Variants in SERGEF observed in about 807,000 individuals in gnomAD.
SERGEF encodes secretion-regulating guanine nucleotide exchange factor.
A neutral mutation model predicts 50.0 loss-of-function variants in SERGEF; 51 were observed. The ratio of observed to expected loss-of-function variants is 1.02; its 90% CI spans 0.81 to 1.29. The LOEUF is 1.29. SERGEF is among the 50% of genes most tolerant of loss of function. SERGEF has a pLI of 0.00. For synonymous variants in SERGEF, 205 were observed against 212.4 expected (o/e 0.97, Z 0.30); for missense variants, 521 against 557.0 (o/e 0.94, Z 0.65).
intron 1 of SERGEF, among the ~76,000 whole-genome samples, chr11:18,010,611 C>A (rs1450675289): frequency 3.3e-5 from 5 of 152,160 alleles, no homozygotes; most frequent in Admixed American, 6.5e-5. Context: ...AAAAGAGCAT[C>A]CCCATATCAC....
chr11:17,995,707 T>C, intron 6 of SERGEF, 89 bp downstream of exon 6: 1 of 920,418 alleles, frequency 1.1e-6, no homozygotes, highest in Middle Eastern at 2.1e-4. Context: ...AATAGCAAAA[T>C]CAAAAATCCA....
At chr11:17,825,194 A>G (rs994719932) in intron 10 of SERGEF, among the ~76,000 whole-genome samples, 1 of 152,232 alleles carries the variant, frequency 6.6e-6, no homozygotes, top group African/African-American at 2.4e-5. Context: ...AAAGTAAATG[A>G]AAATGGTCCT....
intron 10 of SERGEF, among the ~76,000 whole-genome samples, chr11:17,871,460 CAAA>C (rs59785475): frequency 0.41 from 37,536 of 92,266 alleles, 5,112 homozygotes; most frequent in East Asian, 0.66. Context: ...GACTCCATCT[CAAA>C]AAAAAAAAAA....
At chr11:17,985,807 C>T (rs1476025179) in intron 8 of SERGEF, among the ~76,000 whole-genome samples, 1 of 152,198 alleles carries the variant, frequency 6.6e-6, no homozygotes, top group African/African-American at 2.4e-5. Context: ...ACCATGTGAA[C>T]TGCCTTAGCT....
Position 17,878,248 on chromosome 11 carries a change from T to TA in SERGEF, c.1012-5dup, listed in dbSNP as rs35473390. ...TATGCTCTGAGCCACAAGAGACCTG[T>TA]AAAAAAAAAAAAAGACAAAGAAAAT... is the stretch of plus-strand genomic sequence containing the variant. On this transcript the variant is annotated splice_polypyrimidine_tract_variant and splice_region_variant and intron_variant, in intron 9 of 10. Coordinates refer to ENST00000265965, the MANE Select transcript of SERGEF (RefSeq NM_012139.4). 0.052 allele frequency: 65,611 copies of TA among 1,259,770 alleles called. 9 individuals carry two copies. Among genetic ancestry groups the TA allele is most frequent in the Non-Finnish European group, 0.057 (52,039 of 913,768 alleles). 78.0% of individuals were successfully genotyped at this position (1,259,770 alleles called of 1,614,324 possible). A position where few individuals can be genotyped will look rare whatever the true frequency, so the allele number is the denominator to read the frequency against.
chr11:17,945,896 T>G (rs562495596), intron 9 of SERGEF, among the ~76,000 whole-genome samples: 23 of 152,262 alleles, frequency 1.5e-4, no homozygotes, highest in African/African-American at 3.6e-4. Context: ...GAGAATTGCT[T>G]GAACCCAGGA....
At chr11:17,939,594 T>G (rs1424601413) in intron 9 of SERGEF, 1 of 152,230 alleles carries the variant, frequency 6.6e-6, no homozygotes, top group African/African-American at 2.4e-5. Flanking sequence ...CCTCACTGCA[T>G]GAATACAGTA....
At chr11:17,838,542 C>T (rs1850447238) in intron 10 of SERGEF, among the ~76,000 whole-genome samples, 1 of 152,156 alleles carries the variant, frequency 6.6e-6, no homozygotes, top group South Asian at 2.1e-4. Flanking sequence ...GGGCAGTTTA[C>T]ACACATTATC....
At chr11:17,895,661 A>C (rs2133914665) in intron 9 of SERGEF, among the ~76,000 whole-genome samples, 1 of 152,340 alleles carries the variant, frequency 6.6e-6, no homozygotes, top group African/African-American at 2.4e-5. Context: ...AATAATTTTT[A>C]AATAAAGTTT....
intron 10 of SERGEF, among the ~76,000 whole-genome samples, chr11:17,810,120 G>A (rs2237950): frequency 0.4 from 60,152 of 152,038 alleles, 13,785 homozygotes; most frequent in East Asian, 0.71. Flanking sequence ...CATTTAGGGA[G>A]AATGCCCTGG....
intron 10 of SERGEF, among the ~76,000 whole-genome samples, chr11:17,814,534 T>C (rs1849930045): frequency 6.6e-6 from 1 of 152,224 alleles, no homozygotes; most frequent in African/African-American, 2.4e-5. Context: ...ACTTATTGGG[T>C]CTGCTTCTCT....
chr11:17,808,192 G>A (rs867267364), intron 10 of SERGEF, among the ~76,000 whole-genome samples: 1 of 152,242 alleles, frequency 6.6e-6, no homozygotes, highest in South Asian at 2.1e-4. Flanking sequence ...CTTGGAATGT[G>A]AATGTGCAAT....
intron 10 of SERGEF, among the ~76,000 whole-genome samples, chr11:17,800,049 T>C (rs1849640484): frequency 6.6e-6 from 1 of 152,300 alleles, no homozygotes; most frequent in Middle Eastern, 3.4e-3. Flanking sequence ...TCTTTTTTTT[T>C]CTAAACAGTA....
chr11:17,981,799 A>T (rs1853500157), intron 8 of SERGEF, among the ~76,000 whole-genome samples: 1 of 151,886 alleles, frequency 6.6e-6, no homozygotes, highest in Admixed American at 6.6e-5. Flanking sequence ...TTGAAGCAGA[A>T]CTTCTTTTTT....
chr11:17,988,817 T>C (rs910637138), intron 7 of SERGEF, 62 bp from the exon 8 acceptor site: 1 of 1,507,800 alleles, frequency 6.6e-7, no homozygotes, highest in Non-Finnish European at 9.1e-7. Context: ...TGATGGAAAA[T>C]AACAGAAGTC....
At chr11:17,817,520 T>C (rs1034411458) in intron 10 of SERGEF, among the ~76,000 whole-genome samples, 4 of 152,152 alleles carry the variant, frequency 2.6e-5, no homozygotes, top group African/African-American at 7.2e-5. Context: ...CTGGCCTCCA[T>C]GTATTAACTC....
intron 9 of SERGEF, among the ~76,000 whole-genome samples, chr11:17,947,080 T>G (rs1852677367): frequency 1.3e-5 from 2 of 152,350 alleles, no homozygotes; most frequent in South Asian, 4.1e-4. Flanking sequence ...AATCAGATGT[T>G]ACAATACAAT....
chr11:17,898,657 A>G (rs897582031), intron 9 of SERGEF, among the ~76,000 whole-genome samples: 2 of 152,206 alleles, frequency 1.3e-5, no homozygotes, highest in Non-Finnish European at 2.9e-5. Context: ...GACCTCCTTT[A>G]TATTTCATTA....
Position 17,884,212 on chromosome 11 carries a change from G to A in SERGEF, c.1012-5968C>T, listed in dbSNP as rs1384066325. Among the ~76,000 whole-genome samples the A allele has an allele frequency of 2.0e-5, 3 of 152,234 alleles. No individual in the cohort carries two copies. The highest frequency in any genetic ancestry group is 3.8e-4 in the East Asian group (2 of 5,196). ...TGCTATGGCAACGAGGCGTACGTGC[G>A]GAAACACATGATGGCCAGGGTGGAA... On this transcript the variant is annotated intron_variant, in intron 9 of 10. Coordinates refer to ENST00000265965, the MANE Select transcript of SERGEF (RefSeq NM_012139.4). The surrounding 1 kb of genome is among the most constrained non-coding windows in gnomAD (Gnocchi z 4.6).
Sources: gnomAD v4.1 joint callset for allele counts (sites outside exome capture counted in the v4.1 genomes callset) on GRCh38, gnomAD v4.1.1 for gene constraint, Gnocchi (gnomAD v3.1) non-coding constraint, MANE v1.5 for transcripts, NCBI Gene and HGNC (gene_info 2026-07-23, HGNC 2026-07-21) for gene names.